RORA: variants seen among roughly 807,000 people sequenced by gnomAD.
RORA encodes RAR related orphan receptor A.
A neutral mutation model predicts 69.5 loss-of-function variants in RORA; 7 were observed. The ratio of observed to expected loss-of-function variants is 0.10; its 90% confidence interval spans 0.06 to 0.19. The LOEUF (loss-of-function observed/expected upper bound fraction) is 0.19. Among genes scored for constraint, RORA ranks in the 10% least tolerant of loss-of-function variants. The pLI is 1.00. For missense variants in RORA, 457 were observed against 663.0 expected, an observed-to-expected ratio of 0.69 and a Z score of 3.41; for synonymous variants, 261 against 240.8, an observed-to-expected ratio of 1.08 and a Z score of -0.78.
At chr15:60,677,486 T>C (rs1015195573) in intron 2 of RORA, among the ~76,000 whole-genome samples, 33 of 152,104 alleles carry the variant, frequency 2.2e-4, no homozygotes, top group African/African-American at 8.0e-4. Flanking sequence ...AAACATTCCA[T>C]TGAAGGCCAT....
rs950927869 is a variant in RORA, at chr15:60,527,913, C to T, written c.282+3853G>A. Among the ~76,000 whole-genome samples the T allele has an allele frequency of 1.2e-4, 19 of 152,306 alleles. 1 individual carries two copies. Among genetic ancestry groups the T allele is most frequent in the Admixed American group, 9.8e-4 (15 of 15,302 alleles). On this transcript the variant is annotated intron_variant, in intron 3 of 10. Transcript: ENST00000335670. Reference sequence around the variant, plus strand: ...GCCATTCCTTGTTCTCCTTCTTCCTCAGCACAGAATGCCCTCCCAGCCACC... The same window carrying T: ...GCCATTCCTTGTTCTCCTTCTTCCTTAGCACAGAATGCCCTCCCAGCCACC...
At chr15:60,947,271 A>C (rs1892920786) in intron 1 of RORA, among the ~76,000 whole-genome samples, 1 of 152,234 alleles carries the variant, frequency 6.6e-6, no homozygotes, top group African/African-American at 2.4e-5. Flanking sequence ...TGTGGGGAAA[A>C]GATAGAGAAA....
intron 1 of RORA, among the ~76,000 whole-genome samples, chr15:61,057,890 G>A (rs1484263896): frequency 6.6e-6 from 1 of 152,152 alleles, no homozygotes; most frequent in Non-Finnish European, 1.5e-5. Flanking sequence ...AGACCACTAC[G>A]GATGGGGAAG....
chr15:60,802,074 A>G (rs1438030652), intron 1 of RORA, among the ~76,000 whole-genome samples: 1 of 152,184 alleles, frequency 6.6e-6, no homozygotes, highest in Non-Finnish European at 1.5e-5. Flanking sequence ...GCTACTGTAC[A>G]ATGCTTGGTG....
intron 1 of RORA, among the ~76,000 whole-genome samples, chr15:61,211,393 C>A (rs2079990690): frequency 6.6e-6 from 1 of 152,130 alleles, no homozygotes; most frequent in African/African-American, 2.4e-5. Flanking sequence ...AAAACTCCAG[C>A]CGGAGCTCAG....
intron 2 of RORA, among the ~76,000 whole-genome samples, chr15:60,578,936 T>G (rs1285713867): frequency 6.6e-6 from 1 of 151,960 alleles, no homozygotes; most frequent in Non-Finnish European, 1.5e-5. Context: ...GCTAATTTTT[T>G]GTATTTTCAG....
At chr15:60,891,132 G>A (rs2140457626) in intron 1 of RORA, among the ~76,000 whole-genome samples, 1 of 152,334 alleles carries the variant, frequency 6.6e-6, no homozygotes, top group East Asian at 1.9e-4. Context: ...AGCCTCAAAA[G>A]GACCCTCTAC....
chr15:60,637,887 T>C (rs928886652), intron 2 of RORA, among the ~76,000 whole-genome samples: 1 of 152,158 alleles, frequency 6.6e-6, no homozygotes, highest in African/African-American at 2.4e-5. Context: ...GTGGCCAAGA[T>C]GACATACCAG....
chr15:61,220,033 G>C (rs1365404337), intron 1 of RORA, among the ~76,000 whole-genome samples: 1 of 152,192 alleles, frequency 6.6e-6, no homozygotes, highest in African/African-American at 2.4e-5. Flanking sequence ...CAGGTTAACA[G>C]CCTGGTCTAT....
intron 2 of RORA, among the ~76,000 whole-genome samples, chr15:60,619,386 C>G (rs1447877126): frequency 2.6e-5 from 4 of 152,184 alleles, no homozygotes; most frequent in Non-Finnish European, 5.9e-5. Context: ...GACAAACTAT[C>G]TTGGGGCTAC....
chr15:61,193,669 C>T (rs1032969176), intron 1 of RORA, among the ~76,000 whole-genome samples: 1 of 152,162 alleles, frequency 6.6e-6, no homozygotes, highest in Admixed American at 6.5e-5. Context: ...ATAATAGCAG[C>T]TCCATTTGCT....
chr15:60,868,031 T>C (rs920326108), intron 1 of RORA, among the ~76,000 whole-genome samples: 6 of 152,234 alleles, frequency 3.9e-5, no homozygotes, highest in African/African-American at 1.4e-4. Context: ...AGTTTCCTTC[T>C]ATTTTCCCCA....
intron 1 of RORA, among the ~76,000 whole-genome samples, chr15:61,068,670 A>G (rs1036884439): frequency 2.6e-5 from 4 of 152,242 alleles, no homozygotes; most frequent in Admixed American, 6.5e-5. Flanking sequence ...CATTCTGGGA[A>G]GAACAGGATT....
At position 60,831,903 on chromosome 15, in the gene RORA, AT is replaced by A. The variant is rs1234400999; in HGVS notation, c.167-153218del. ...CATCACTCTCAGATATGCCTCCTAA[AT>A]TGGGAAAAAGGTGAAGTGGCAGCTA... On this transcript the variant is annotated intron_variant, in intron 1 of 10. Coordinates refer to ENST00000335670, the MANE Select transcript of RORA (RefSeq NM_134261.3). 3.9e-5 allele frequency among the ~76,000 whole-genome samples: 6 copies of A among 152,198 alleles called. No individual in the cohort carries two copies. The East Asian group carries it at 1.2e-3, about 29-fold the overall frequency.
intron 1 of RORA, among the ~76,000 whole-genome samples, chr15:60,834,237 G>A (rs546470781): frequency 6.6e-6 from 1 of 152,206 alleles, no homozygotes; most frequent in Non-Finnish European, 1.5e-5. Context: ...TCAAACCCCA[G>A]TTCAGGGGCA....
At chr15:60,967,251 T>G (rs985710405) in intron 1 of RORA, among the ~76,000 whole-genome samples, 12 of 152,256 alleles carry the variant, frequency 7.9e-5, no homozygotes, top group African/African-American at 2.9e-4. Flanking sequence ...ATTTATGCAT[T>G]GACAGATGTA....
At chr15:60,570,140 G>C (rs547736455) in intron 2 of RORA, among the ~76,000 whole-genome samples, 3 of 152,010 alleles carry the variant, frequency 2.0e-5, no homozygotes, top group South Asian at 4.2e-4. Flanking sequence ...AGCCGATCAC[G>C]GGCCATCAGT....
At chr15:60,791,130 G>A (rs1035660435) in intron 1 of RORA, among the ~76,000 whole-genome samples, 1 of 152,088 alleles carries the variant, frequency 6.6e-6, no homozygotes, top group Non-Finnish European at 1.5e-5. Context: ...ATTGTAGAAC[G>A]AGCCCAGGCT....
chr15:60,867,242 T>G (rs1302452064), intron 1 of RORA, among the ~76,000 whole-genome samples: 1 of 152,160 alleles, frequency 6.6e-6, no homozygotes, highest in Middle Eastern at 3.2e-3. Context: ...TTCTAGTAAG[T>G]GACTGAGCCT....
Sources: gnomAD v4.1 joint callset for allele counts (sites outside exome capture counted in the v4.1 genomes callset) on GRCh38, gnomAD v4.1.1 for gene constraint, MANE v1.5 for transcripts, NCBI Gene and HGNC (gene_info 2026-07-23, HGNC 2026-07-21) for gene names.